The following TLR10 variants were observed in gnomAD, a reference collection of about 807,000 sequenced individuals.
TLR10 encodes toll like receptor 10, also known as toll-like receptor 10.
For synonymous variants in TLR10, 288 were observed against 338.8 expected (o/e 0.85, Z 1.65); for missense variants, 929 against 932.9 (o/e 1.00, Z 0.05).
At chr4:38,776,901 A>C (rs1366239493) in intron 1 of TLR10, among the ~76,000 whole-genome samples, 1 of 152,164 alleles carries the variant, frequency 6.6e-6, no homozygotes, top group Non-Finnish European at 1.5e-5. Context: ...ATGAGGAGCA[A>C]AGTCATGTCT....
At position 38,774,283 on chromosome 4, in the gene TLR10, A is replaced by G. The variant is rs1274213839; in HGVS notation, c.1308T>C (p.Ser436=). ...TACTTTTGGGCAAGCACCTGAAGAC[A>G]GAATCAGACAATTTATTGTATGACA... ...MNLSYNKLSD[S]VFRCLPKSIQ... Residue 436 remains serine, a synonymous_variant, in exon 4 of 4, where the codon TCT becomes TCC. Coordinates refer to ENST00000308973, the MANE Select transcript of TLR10 (RefSeq NM_030956.4). The G allele has an allele frequency of 4.3e-6, 7 of 1,613,444 alleles. No homozygotes were observed. Among genetic ancestry groups the G allele is most frequent in the Non-Finnish European group, 5.1e-6 (6 of 1,179,854 alleles).
In TLR10 at chr4:38,774,916, T is replaced by C; in HGVS notation, c.675A>G (p.Lys225=). 1 of 1,611,490 alleles carries C rather than the reference T, an allele frequency of 6.2e-7. No homozygotes were observed. Among genetic ancestry groups the C allele is most frequent in the East Asian group, 2.2e-5 (1 of 44,862 alleles). Residue 225 remains lysine (K), a synonymous_variant, in exon 4 of 4, where the codon AAA becomes AAG. Transcript: ENST00000308973. Reference sequence around the variant, plus strand: ...GCATTTCATAACTTACAAATTGGCTTTTGCCATCTATATTTGTCATTTCTA... The same window carrying C: ...GCATTTCATAACTTACAAATTGGCTCTTGCCATCTATATTTGTCATTTCTA... The part of the protein sequence containing the change: ...KILEMTNIDG[K]SQFVSYEMQR...
intron 1 of TLR10, among the ~76,000 whole-genome samples, chr4:38,782,151 C>T (rs138389786): frequency 6.6e-6 from 1 of 152,188 alleles, no homozygotes; most frequent in East Asian, 1.9e-4. Context: ...GCTGCCATGG[C>T]GGCCACTTCC....
rs1387152907 is a variant in TLR10, at chr4:38,776,391, T to C, written c.-533A>G. 1 of 167,478 alleles carries C rather than the reference T, an allele frequency of 6.0e-6. No homozygotes were observed. Among genetic ancestry groups the C allele is most frequent in the African/African-American group, 2.4e-5 (1 of 41,684 alleles). 10.4% of individuals were successfully genotyped at this position (167,478 alleles called of 1,614,324 possible). A position where few individuals can be genotyped will look rare whatever the true frequency, so the allele number is the denominator to read the frequency against. ...CAACTATAAATGTCTTAACTTCTTGTTGAATTCAAAGGTCTTGATATTCAG... is the reference window on the plus strand; with the variant it reads ...CAACTATAAATGTCTTAACTTCTTGCTGAATTCAAAGGTCTTGATATTCAG... On this transcript the variant is annotated 5_prime_UTR_variant, in exon 2 of 4. Coordinates refer to ENST00000308973, the MANE Select transcript of TLR10 (RefSeq NM_030956.4).
At chr4:38,780,297 G>A (rs1196170703) in intron 1 of TLR10, among the ~76,000 whole-genome samples, 7 of 152,002 alleles carry the variant, frequency 4.6e-5, no homozygotes, top group South Asian at 4.1e-4. Context: ...CCAGCTACTC[G>A]GGAGGCTGAG....
rs138428918 is a variant in TLR10 at position 38,774,810 on chromosome 4, G to C, written c.781C>G (p.Leu261Val). 3.6e-4 allele frequency: 568 copies of C among 1,596,020 alleles called. 1 individual carries two copies. The African/African-American group carries it at 7.0e-3, about 20-fold the overall frequency. ...KVDLLWDDLF[L>V]ILQFVWHTSV... ...GTATGCCAAACAAATTGTAAGATAAGGAAAAGGTCGTCCCAGAGTAAATCA... is the reference window on the plus strand; with the variant it reads ...GTATGCCAAACAAATTGTAAGATAACGAAAAGGTCGTCCCAGAGTAAATCA... Residue 261 changes from leucine (L) to valine (V), a missense_variant, in exon 4 of 4, where the codon CTT becomes GTT. Leu to Val is a conservative substitution (Grantham distance 32, BLOSUM62 1). Coordinates refer to ENST00000308973, the MANE Select transcript of TLR10 (RefSeq NM_030956.4).
At chr4:38,777,843 T>G (rs1725151743) in intron 1 of TLR10, among the ~76,000 whole-genome samples, 1 of 152,212 alleles carries the variant, frequency 6.6e-6, no homozygotes, top group African/African-American at 2.4e-5. Context: ...GCTTTTACAC[T>G]GTTGGTGGGG....
Position 38,772,947 on chromosome 4 carries a change from TG to T in TLR10, c.*207del. 1 of 409,004 alleles carries T rather than the reference TG, an allele frequency of 2.4e-6. No homozygotes were observed. Among genetic ancestry groups the T allele is most frequent in the Non-Finnish European group, 4.1e-6 (1 of 246,070 alleles). 25.3% of individuals were successfully genotyped at this position (409,004 alleles called of 1,614,324 possible). Reference sequence around the variant, plus strand: ...CATTTTTCATGATTATAAACAATCCTGGGATGAACACCTTTTTCCATAAGCC... The same window carrying T: ...CATTTTTCATGATTATAAACAATCCTGGATGAACACCTTTTTCCATAAGCC... On this transcript the variant is annotated 3_prime_UTR_variant, in exon 4 of 4. Transcript: ENST00000308973.
Position 38,774,061 on chromosome 4 carries a change from G to C in TLR10, c.1530C>G (p.Ser510Arg). The C allele has an allele frequency of 6.2e-7, 1 of 1,612,488 alleles. No homozygotes were observed. Among genetic ancestry groups the C allele is most frequent in the Non-Finnish European group, 8.5e-7 (1 of 1,178,914 alleles). Residue 510 changes from serine (S) to arginine (R), a missense_variant, in exon 4 of 4, where the codon AGC (serine) becomes AGG (arginine). By Grantham distance (110) the Ser-to-Arg change is moderately radical. Coordinates refer to ENST00000308973, the MANE Select transcript of TLR10 (RefSeq NM_030956.4). ...CATTTAGAGTTTTAACTTCCTGGCA[G>C]CTCTGAACAAAATCCAGAGATGGGC... is the stretch of plus-strand genomic sequence containing the variant. ...ILSPSLDFVQSCQEVKTLNAG... is the reference protein window; with the variant it reads ...ILSPSLDFVQRCQEVKTLNAG...
rs147419795 is a variant in TLR10, at chr4:38,776,626, G to A, written c.-568-200C>T. Reference sequence around the variant, plus strand: ...GAGATGTGCCAGGCTTCACGTGGTTGGATTAGACGTAGAACAGAGGTAGTT... The same window carrying A: ...GAGATGTGCCAGGCTTCACGTGGTTAGATTAGACGTAGAACAGAGGTAGTT... On this transcript the variant is annotated intron_variant, in intron 1 of 3. Coordinates refer to ENST00000308973, the MANE Select transcript of TLR10 (RefSeq NM_030956.4). Among the ~76,000 whole-genome samples, 84 of 152,264 alleles carry A rather than the reference G, an allele frequency of 5.5e-4. No homozygotes were observed. The South Asian group carries it at 7.7e-3, about 14-fold the overall frequency.
intron 1 of TLR10, among the ~76,000 whole-genome samples, chr4:38,777,441 G>A (rs1421999491): frequency 6.6e-6 from 1 of 152,126 alleles, no homozygotes; most frequent in East Asian, 1.9e-4. Flanking sequence ...ACTGAAATAA[G>A]AAACCAGCAG....
At chr4:38,777,177 G>C (rs1461119892) in intron 1 of TLR10, among the ~76,000 whole-genome samples, 1 of 152,142 alleles carries the variant, frequency 6.6e-6, no homozygotes, top group Non-Finnish European at 1.5e-5. Context: ...GAGAGACTGG[G>C]GAGTGATTTT....
chr4:38,774,939 C>T lies in TLR10; in HGVS notation c.652G>A (p.Glu218Lys). 6.2e-7 allele frequency: 1 copy of T among 1,612,536 alleles called. No homozygotes were observed. The highest frequency in any genetic ancestry group is 8.5e-7 in the Non-Finnish European group (1 of 1,179,646). The change falls in exon 4 of 4, where the codon GAA becomes AAA. Residue 218 changes from glutamate (E) to lysine (K), a missense_variant. Physicochemically the swap from Glu to Lys is moderately conservative, Grantham distance 56. Coordinates refer to ENST00000308973, the MANE Select transcript of TLR10 (RefSeq NM_030956.4). ...CTTTTGCCATCTATATTTGTCATTT[C>T]TAATATTTTTGAAGTCTTGATTCCA... ...RDGIKTSKIL[E>K]MTNIDGKSQF...
Position 38,773,657 on chromosome 4 carries a change from G to T in TLR10, c.1934C>A (p.Ser645Tyr). The T allele has an allele frequency of 6.2e-7, 1 of 1,608,946 alleles. No homozygotes were observed. Among genetic ancestry groups the T allele is most frequent in the Non-Finnish European group, 8.5e-7 (1 of 1,177,720 alleles). Reference sequence around the variant, plus strand: ...GATCAATTCATTCTTCACCCACAGAGAATCATGTTCACTGTATGAAATAAA... The same window carrying T: ...GATCAATTCATTCTTCACCCACAGATAATCATGTTCACTGTATGAAATAAA... ...HAFISYSEHD[S>Y]LWVKNELIPN... Residue 645 changes from serine to tyrosine, a missense_variant, in exon 4 of 4, where the codon TCT (serine) becomes TAT (tyrosine). Coordinates refer to ENST00000308973, the MANE Select transcript of TLR10 (RefSeq NM_030956.4).
chr4:38,775,465 A>G lies in TLR10; in HGVS notation c.126T>C (p.Val42=), dbSNP rs1579177291. 6.2e-7 allele frequency: 1 copy of G among 1,614,100 alleles called. No individual in the cohort carries two copies. Residue 42 remains valine, a synonymous_variant, in exon 4 of 4, where the codon GTT becomes GTC. Transcript: ENST00000308973. ...TNCSNMSLRK[V]PADLTPATTT... ...TTGTGGCTGGGGTCAAGTCTGCGGG[A>G]ACCTTTCTTAGAGACATGTTGGAGC...
chr4:38,776,172 A>G lies in TLR10; in HGVS notation c.-314T>C, dbSNP rs964347109. On this transcript the variant is annotated 5_prime_UTR_variant, in exon 2 of 4. Coordinates refer to ENST00000308973, the MANE Select transcript of TLR10 (RefSeq NM_030956.4). ...ATTATTCCTGTCCTTCTGCCTCTATATGTCTTCAGGTTGGTGGCAAAAGCA... is the reference window on the plus strand; with the variant it reads ...ATTATTCCTGTCCTTCTGCCTCTATGTGTCTTCAGGTTGGTGGCAAAAGCA... 7.2e-5 allele frequency: 12 copies of G among 165,896 alleles called. No homozygotes were observed. Among genetic ancestry groups the G allele is most frequent in the African/African-American group, 2.9e-4 (12 of 41,616 alleles). The allele number at this position is 165,896 out of a possible 1,614,324, so 10.3% of individuals were successfully genotyped here. A position where few individuals can be genotyped will look rare whatever the true frequency, so the allele number is the denominator to read the frequency against.
At position 38,773,338 on chromosome 4, in the gene TLR10, T is replaced by C. The variant is rs1724765154; in HGVS notation, c.2253A>G (p.Lys751=). ...CCTTGGGCCATTCCAAGTATGCTTT[T>C]TTTTCCAGGAGAGCTTTCAGTTTAT... ...RYHKLKALLE[K]KAYLEWPKDR... is the part of the protein sequence containing the mutation. The change falls in exon 4 of 4, where the codon AAA becomes AAG. Residue 751 remains lysine, a synonymous_variant. Transcript: ENST00000308973. The C allele has an allele frequency of 6.2e-7, 1 of 1,613,778 alleles. No individual in the cohort carries two copies.
rs1286986507 is a variant in TLR10, at chr4:38,774,801, G to T, written c.790C>A (p.Gln264Lys). Residue 264 changes from glutamine to lysine, a missense_variant, in exon 4 of 4, where the codon CAA (glutamine) becomes AAA (lysine). Physicochemically the swap from Gln to Lys is moderately conservative, Grantham distance 53. Coordinates refer to ENST00000308973, the MANE Select transcript of TLR10 (RefSeq NM_030956.4). ...LLWDDLFLIL[Q>K]FVWHTSVEHF... is the part of the protein sequence containing the mutation. ...TCCACTGATGTATGCCAAACAAATT[G>T]TAAGATAAGGAAAAGGTCGTCCCAG... 1.3e-6 allele frequency: 2 copies of T among 1,598,040 alleles called. No individual in the cohort carries two copies. Among genetic ancestry groups the T allele is most frequent in the Non-Finnish European group, 1.7e-6 (2 of 1,174,184 alleles).
At chr4:38,782,447 T>C (rs1284770604) in intron 1 of TLR10, among the ~76,000 whole-genome samples, 1 of 152,192 alleles carries the variant, frequency 6.6e-6, no homozygotes, top group African/African-American at 2.4e-5. Context: ...TGTCCACTTC[T>C]GAAGGAAACG....
Sources: allele counts gnomAD v4.1 joint callset (sites outside exome capture counted in the v4.1 genomes callset), GRCh38; gene constraint gnomAD v4.1.1; transcripts MANE v1.5; gene names NCBI Gene and HGNC (gene_info 2026-07-23, HGNC 2026-07-21).